The following FBXL7 variants were observed in gnomAD, a reference collection of about 807,000 sequenced individuals.
The protein encoded by FBXL7 is F-box and leucine rich repeat protein 7, also known as F-box/LRR-repeat protein 7.
FBXL7 carries 12 observed loss-of-function variants against 38.3 expected under a neutral mutation model. The observed-to-expected ratio is 0.31, with a 90% CI of 0.20 to 0.51. The LOEUF is 0.51. Among genes scored for constraint, FBXL7 ranks in the 20% least tolerant of loss-of-function variants. The pLI is 0.98. For synonymous variants in FBXL7, 297 were observed against 300.9 expected (o/e 0.99, Z 0.13); for missense variants, 567 against 676.4 (o/e 0.84, Z 1.79).
At chr5:15,660,508 C>A (rs1742027274) in intron 2 of FBXL7, among the ~76,000 whole-genome samples, 1 of 152,162 alleles carries the variant, frequency 6.6e-6, no homozygotes, top group African/African-American at 2.4e-5. Context: ...AGGCATCCAC[C>A]ACCATGCCTG....
chr5:15,929,692 C>T (rs1741989247), intron 3 of FBXL7, among the ~76,000 whole-genome samples: 1 of 151,770 alleles, frequency 6.6e-6, no homozygotes, highest in African/African-American at 2.4e-5. Flanking sequence ...TTGGAAACCT[C>T]TCTCAGGCAG....
chr5:15,823,689 T>G (rs2126766463), intron 2 of FBXL7, among the ~76,000 whole-genome samples: 1 of 152,268 alleles, frequency 6.6e-6, no homozygotes, highest in South Asian at 2.1e-4. Flanking sequence ...GTGAGTTTCA[T>G]CTGCCCTAAA....
intron 2 of FBXL7, among the ~76,000 whole-genome samples, chr5:15,636,797 A>G (rs1741200894): frequency 6.6e-6 from 1 of 152,116 alleles, no homozygotes; most frequent in African/African-American, 2.4e-5. Context: ...AAACTCTGTA[A>G]GGTTAAAATA....
chr5:15,517,682 G>C (rs1736980788), intron 1 of FBXL7, among the ~76,000 whole-genome samples: 1 of 152,202 alleles, frequency 6.6e-6, no homozygotes, highest in Admixed American at 6.5e-5. Flanking sequence ...GCCTTGAATA[G>C]ATTTAGAAAG....
At chr5:15,508,538 G>A (rs1462169229) in intron 1 of FBXL7, among the ~76,000 whole-genome samples, 1 of 152,126 alleles carries the variant, frequency 6.6e-6, no homozygotes, top group African/African-American at 2.4e-5. Flanking sequence ...AAATGGGAAG[G>A]TGGTAATCAC....
intron 2 of FBXL7, among the ~76,000 whole-genome samples, chr5:15,688,839 G>T (rs1743095872): frequency 6.6e-6 from 1 of 152,170 alleles, no homozygotes; most frequent in Non-Finnish European, 1.5e-5. Flanking sequence ...TGTTTATGTA[G>T]GCAGTGCCTG....
intron 1 of FBXL7, among the ~76,000 whole-genome samples, chr5:15,566,925 T>A (rs1264773691): frequency 6.6e-6 from 1 of 152,156 alleles, no homozygotes; most frequent in Non-Finnish European, 1.5e-5. Flanking sequence ...GCAGAGCTAT[T>A]TATTCCTCCC....
chr5:15,538,056 T>G (rs970266554), intron 1 of FBXL7, among the ~76,000 whole-genome samples: 3 of 152,194 alleles, frequency 2.0e-5, no homozygotes, highest in Non-Finnish European at 4.4e-5. Context: ...AAATCAGATC[T>G]CTTCTGCACA....
chr5:15,755,088 C>G (rs976798894), intron 2 of FBXL7, among the ~76,000 whole-genome samples: 1 of 152,104 alleles, frequency 6.6e-6, no homozygotes, highest in Non-Finnish European at 1.5e-5. Flanking sequence ...GTTCAACTTC[C>G]AAATTATTGA....
intron 2 of FBXL7, among the ~76,000 whole-genome samples, chr5:15,654,092 A>T (rs1349811889): frequency 6.6e-6 from 1 of 152,218 alleles, no homozygotes; most frequent in African/African-American, 2.4e-5. Context: ...GAGCCAAACA[A>T]ATATAACAGT....
chr5:15,561,469 G>A (rs1031398208), intron 1 of FBXL7, among the ~76,000 whole-genome samples: 1 of 152,104 alleles, frequency 6.6e-6, no homozygotes, highest in African/African-American at 2.4e-5. Context: ...TCCGCTGATG[G>A]ATATTTAGGT....
chr5:15,788,827 G>T (rs1360859836), intron 2 of FBXL7, among the ~76,000 whole-genome samples: 1 of 150,342 alleles, frequency 6.7e-6, no homozygotes, highest in Non-Finnish European at 1.5e-5. Flanking sequence ...CTACAGGCAT[G>T]CACCACCACA....
intron 2 of FBXL7, among the ~76,000 whole-genome samples, chr5:15,656,884 T>C (rs1741900192): frequency 6.6e-6 from 1 of 152,154 alleles, no homozygotes; most frequent in Non-Finnish European, 1.5e-5. Context: ...GGAAATGACT[T>C]ATGTAAATTG....
At chr5:15,705,181 G>C (rs529494949) in intron 2 of FBXL7, among the ~76,000 whole-genome samples, 2 of 152,252 alleles carry the variant, frequency 1.3e-5, no homozygotes, top group South Asian at 4.1e-4. Flanking sequence ...AGTATGTATT[G>C]ACAGCCTCAG....
chr5:15,925,251 A>G (rs971516561), intron 2 of FBXL7, among the ~76,000 whole-genome samples: 4 of 152,224 alleles, frequency 2.6e-5, no homozygotes, highest in African/African-American at 9.6e-5. Flanking sequence ...CTGTATAACA[A>G]AGGGTGGGGG....
At chr5:15,624,774 T>C (rs1202018355) in intron 2 of FBXL7, among the ~76,000 whole-genome samples, 1 of 152,232 alleles carries the variant, frequency 6.6e-6, no homozygotes, top group African/African-American at 2.4e-5. Flanking sequence ...AGTTTTTATA[T>C]TTTATTTTCA....
intron 1 of FBXL7, among the ~76,000 whole-genome samples, chr5:15,597,204 G>C (rs749322699): frequency 6.6e-6 from 1 of 152,100 alleles, no homozygotes; most frequent in Non-Finnish European, 1.5e-5. Context: ...TTGATTGCTT[G>C]CTTGCTTGTT....
chr5:15,693,968 T>C (rs900751499), intron 2 of FBXL7, among the ~76,000 whole-genome samples: 1 of 152,186 alleles, frequency 6.6e-6, no homozygotes, highest in Non-Finnish European at 1.5e-5. Context: ...CCCAGGATAC[T>C]GAAAGCCCTC....
At chr5:15,748,565 C>G (rs1736073105) in intron 2 of FBXL7, among the ~76,000 whole-genome samples, 1 of 152,182 alleles carries the variant, frequency 6.6e-6, no homozygotes. Flanking sequence ...TTCTCTTTTG[C>G]CTTCTGTCAT....
Sources: allele counts gnomAD v4.1 joint callset (sites outside exome capture counted in the v4.1 genomes callset), GRCh38; gene constraint gnomAD v4.1.1; transcripts MANE v1.5; gene names NCBI Gene and HGNC (gene_info 2026-07-23, HGNC 2026-07-21).